Variants in G3BP1 observed in about 807,000 individuals in gnomAD.
The protein encoded by G3BP1 is ras GTPase-activating protein-binding protein 1.
In G3BP1, 35 loss-of-function variants were observed where a neutral mutation model predicts 58.6. The observed-to-expected ratio is 0.60, with a 90% CI of 0.46 to 0.79. The LOEUF is 0.79. G3BP1 is among the 30% of genes least tolerant of loss of function. The probability of loss-of-function intolerance (pLI) is 0.00; values close to 1 mark genes in which losing one functional copy is unlikely to be tolerated. For synonymous variants in G3BP1, 191 were observed against 195.4 expected (o/e 0.98, Z 0.19); for missense variants, 523 against 580.8 (o/e 0.90, Z 1.02).
In G3BP1 at chr5:151,794,247, A is replaced by C. The variant is rs201066410; in HGVS notation, c.440A>C (p.Glu147Ala). Residue 147 changes from glutamate (E) to alanine (A), a missense_variant and splice_region_variant, in exon 5 of 12, where the codon GAG (glutamate) becomes GCG (alanine). This residue lies in a region of G3BP1 where 398 missense variants were observed against 399.1 expected (regional missense o/e 1.00). Transcript: ENST00000356245. ...VFGGFVTEPQ[E>A]ESEEEVEEPE... is the part of the protein sequence containing the mutation. ...GGTGGGTTTGTCACTGAGCCTCAGGAGGGTAAGTAGTGAAATACTTTAAAT... is the reference window on the plus strand; with the variant it reads ...GGTGGGTTTGTCACTGAGCCTCAGGCGGGTAAGTAGTGAAATACTTTAAAT... 313 of 1,566,676 alleles carry C rather than the reference A, an allele frequency of 2.0e-4. 7 individuals are homozygous for C. In the Admixed American group the frequency reaches 5.1e-3, roughly 26 times the overall value.
intron 1 of G3BP1, among the ~76,000 whole-genome samples, chr5:151,776,398 G>A (rs1762371231): frequency 6.6e-6 from 1 of 152,160 alleles, no homozygotes; most frequent in African/African-American, 2.4e-5. Flanking sequence ...AGGGGAATTA[G>A]GCTCTACTTT....
At chr5:151,785,890 C>T (rs954649919) in intron 1 of G3BP1, among the ~76,000 whole-genome samples, 7 of 152,140 alleles carry the variant, frequency 4.6e-5, no homozygotes, top group South Asian at 2.1e-4. Context: ...AGTTTGTCCC[C>T]GGATGTCAAA....
intron 4 of G3BP1, among the ~76,000 whole-genome samples, chr5:151,793,369 A>G (rs1476482011): frequency 6.6e-6 from 1 of 152,124 alleles, no homozygotes; most frequent in Non-Finnish European, 1.5e-5. Flanking sequence ...TCGGCCTCCC[A>G]AAGTGCTGGG....
chr5:151,783,524 C>T (rs1762507670), intron 1 of G3BP1, among the ~76,000 whole-genome samples: 1 of 151,652 alleles, frequency 6.6e-6, no homozygotes, highest in African/African-American at 2.4e-5. Context: ...TCTCGTGCTT[C>T]AGCCTCCTGA....
chr5:151,791,354 A>T (rs1762648655), intron 4 of G3BP1: 1 of 212,280 alleles, frequency 4.7e-6, no homozygotes, highest in African/African-American at 2.3e-5. Context: ...TCTATAATCC[A>T]TTTTTAAAAT....
chr5:151,801,040 G>A (rs1762841634), intron 11 of G3BP1, among the ~76,000 whole-genome samples, 171 bp downstream of exon 11: 1 of 152,122 alleles, frequency 6.6e-6, no homozygotes, highest in Middle Eastern at 3.4e-3. Context: ...TGGGGGTTTA[G>A]GAAAACAAAC....
At chr5:151,797,619 A>G (rs1030090012) in intron 7 of G3BP1, among the ~76,000 whole-genome samples, 191 bp downstream of exon 7, 1 of 152,170 alleles carries the variant, frequency 6.6e-6, no homozygotes, top group Non-Finnish European at 1.5e-5. Flanking sequence ...AGTTTATTTC[A>G]TCAAAAGAAA....
In G3BP1 at chr5:151,810,787, T is replaced by C. The variant is rs1763007591; in HGVS notation, c.*6696T>C. The C allele has an allele frequency of 6.6e-6, 1 of 151,814 alleles. No homozygotes were observed. Among genetic ancestry groups the C allele is most frequent in the African/African-American group, 2.4e-5 (1 of 41,298 alleles). 9.4% of individuals were successfully genotyped at this position (151,814 alleles called of 1,614,324 possible). A position where few individuals can be genotyped will look rare whatever the true frequency, so the allele number is the denominator to read the frequency against. On this transcript the variant is annotated 3_prime_UTR_variant, in exon 12 of 12. Coordinates refer to ENST00000356245, the MANE Select transcript of G3BP1 (RefSeq NM_005754.3). ...AGATAGACCTTGAATTTAATAAATT[T>C]TAGGCACTATACCATTTCAGTGGAG...
At chr5:151,792,615 T>G (rs1328738704) in intron 4 of G3BP1, among the ~76,000 whole-genome samples, 1 of 152,116 alleles carries the variant, frequency 6.6e-6, no homozygotes, top group Non-Finnish European at 1.5e-5. Context: ...TTCTTTTTTG[T>G]TTTTTGAGAG....
chr5:151,776,012 G>GAA (rs1240863800), intron 1 of G3BP1, among the ~76,000 whole-genome samples: 11 of 152,206 alleles, frequency 7.2e-5, no homozygotes. Context: ...TACTGTTAAT[G>GAA]AAAGACTTTA....
intron 3 of G3BP1, among the ~76,000 whole-genome samples, chr5:151,790,664 C>G (rs1042165805): frequency 2.6e-5 from 4 of 152,064 alleles, no homozygotes; most frequent in Admixed American, 2.6e-4. Context: ...ATCATCTTTT[C>G]TAAACTTTGA....
chr5:151,791,220 G>A, intron 4 of G3BP1, 158 bp downstream of exon 4: 1 of 594,302 alleles, frequency 1.7e-6, no homozygotes, highest in South Asian at 2.1e-5. Context: ...TAGAGCAGCT[G>A]TCACCACTTG....
chr5:151,781,077 G>T lies in G3BP1; in HGVS notation c.-49-5495G>T, dbSNP rs143973267. On this transcript the variant is annotated intron_variant, in intron 1 of 11. Transcript: ENST00000356245. ...TTTGAAAAAGCTCACAAACTGAATA[G>T]CCTAGAAATAATAAAAAAAATTAAG... 9.5e-3 allele frequency among the ~76,000 whole-genome samples: 1,437 copies of T among 151,824 alleles called. 21 individuals are homozygous for T. The highest frequency in any genetic ancestry group is 0.031 in the African/African-American group (1,289 of 41,340).
chr5:151,801,855 C>T (rs1408890149), intron 11 of G3BP1, among the ~76,000 whole-genome samples: 1 of 151,734 alleles, frequency 6.6e-6, no homozygotes, highest in Non-Finnish European at 1.5e-5. Context: ...CTCTCTGCCA[C>T]CCAGGCTGGA....
intron 1 of G3BP1, among the ~76,000 whole-genome samples, chr5:151,776,178 T>G (rs928833477): frequency 1.3e-5 from 2 of 152,228 alleles, no homozygotes; most frequent in African/African-American, 4.8e-5. Flanking sequence ...GATTTGATGT[T>G]AAGGATTAGA....
At position 151,785,644 on chromosome 5, in the gene G3BP1, G is replaced by A. The variant is rs909061075; in HGVS notation, c.-49-928G>A. Among the ~76,000 whole-genome samples the A allele has an allele frequency of 2.0e-5, 3 of 152,106 alleles. No individual in the cohort carries two copies. The East Asian group carries it at 5.8e-4, about 29-fold the overall frequency. ...CAATAATTGGACTTCTTATGGGACA[G>A]GTGCCTTTCTTGGCATTCAAAGGTG... On this transcript the variant is annotated intron_variant, in intron 1 of 11. Transcript: ENST00000356245.
At position 151,812,714 on chromosome 5, in the gene G3BP1, A is replaced by C. The variant is rs1310155449; in HGVS notation, c.*8623A>C. The C allele has an allele frequency of 6.6e-6, 1 of 152,214 alleles. No individual in the cohort carries two copies. Among genetic ancestry groups the C allele is most frequent in the Non-Finnish European group, 1.5e-5 (1 of 68,040 alleles). The allele number at this position is 152,214 out of a possible 1,614,324, so 9.4% of individuals were successfully genotyped here. On this transcript the variant is annotated 3_prime_UTR_variant, in exon 12 of 12. Transcript: ENST00000356245. ...AAATCTAAGATCGAGTGTATAAATA[A>C]AATAACCCCTTCCTCCAGTGACTGT...
At chr5:151,803,830 A>G (rs899708365) in intron 11 of G3BP1, 55 bp from the exon 12 acceptor site, 4 of 1,167,484 alleles carry the variant, frequency 3.4e-6, no homozygotes, top group South Asian at 1.3e-5. Context: ...TTTATCTTTG[A>G]TAGTGATAGC....
chr5:151,785,572 C>T (rs1296341881), intron 1 of G3BP1, among the ~76,000 whole-genome samples: 19 of 152,076 alleles, frequency 1.2e-4, no homozygotes, highest in Non-Finnish European at 2.9e-5. Context: ...CTGGGATGAT[C>T]TCATTGCAGG....
Sources: allele counts gnomAD v4.1 joint callset (sites outside exome capture counted in the v4.1 genomes callset), GRCh38; gene constraint gnomAD v4.1.1; regional missense constraint gnomAD v4.1.1; transcripts MANE v1.5; gene names NCBI Gene and HGNC (gene_info 2026-07-23, HGNC 2026-07-21).